Variants in NCKAP5L observed in about 807,000 individuals in gnomAD.
The protein encoded by NCKAP5L is nck-associated protein 5-like.
NCKAP5L carries 54 observed loss-of-function variants against 103.2 expected under a neutral mutation model. The observed-to-expected ratio is 0.52, with a 90% CI of 0.42 to 0.66. The LOEUF (loss-of-function observed/expected upper bound fraction) is 0.66, where lower values mean the gene tolerates loss of function less well. Among genes scored for constraint, NCKAP5L ranks in the 30% least tolerant of loss-of-function variants. The pLI, the probability that NCKAP5L is intolerant of heterozygous loss-of-function variation, is 0.00. For missense variants in NCKAP5L, 1,733 were observed against 1,750.6 expected (o/e 0.99, Z 0.18); for synonymous variants, 762 against 748.6 (o/e 1.02, Z -0.29).
intron 8 of NCKAP5L, 146 bp from the exon 9 acceptor site, chr12:49,794,042 C>T (rs1945985809): frequency 1.4e-6 from 1 of 728,318 alleles, no homozygotes; most frequent in East Asian, 3.1e-5. Flanking sequence ...TGATTGCTCC[C>T]AACACCCTTC....
At chr12:49,800,757 T>C (rs1250972961) in intron 6 of NCKAP5L, among the ~76,000 whole-genome samples, 1 of 152,246 alleles carries the variant, frequency 6.6e-6, no homozygotes, top group Non-Finnish European at 1.5e-5. Context: ...TATGTCATGT[T>C]ACCTCTGGGG....
Position 49,818,867 on chromosome 12 carries a change from T to C in NCKAP5L, c.-99+9455A>G, listed in dbSNP as rs144487734. On this transcript the variant is annotated intron_variant, in intron 1 of 12. Coordinates refer to ENST00000335999, the MANE Select transcript of NCKAP5L (RefSeq NM_001037806.4). ...CCACTGGAGGGAATATAAATTAGTA[T>C]AGCCACTATGGTAAATAGTATGGAA... Among the ~76,000 whole-genome samples the C allele has an allele frequency of 9.2e-3, 1,404 of 152,160 alleles. 11 individuals carry two copies. The highest frequency in any genetic ancestry group is 0.027 in the South Asian group (132 of 4,826).
rs775841547 is a variant in NCKAP5L, at chr12:49,795,096, C to T, written c.2764G>A (p.Gly922Ser). The T allele has an allele frequency of 2.5e-6, 4 of 1,612,936 alleles. No homozygotes were observed. Among genetic ancestry groups the T allele is most frequent in the East Asian group, 2.2e-5 (1 of 44,874 alleles). Residue 922 changes from glycine to serine, a missense_variant, in exon 8 of 13, where the codon GGC becomes AGC. By Grantham distance (56) the Gly-to-Ser change is moderately conservative. Coordinates refer to ENST00000335999, the MANE Select transcript of NCKAP5L (RefSeq NM_001037806.4). ...GCTGGCAGCTTGCTCTTCTTAAGGC[C>T]GAACCAGCTGGCGATGCTGCTGGTG... ...RNTSSIASWF[G>S]LKKSKLPALN...
At position 49,804,058 on chromosome 12, in the gene NCKAP5L, C is replaced by T; in HGVS notation, c.-14G>A. ...GGCCTCTGACATCTGGCCCTGGGAA[C>T]AAGGAAGAGAAGCCCCGGCAGGCTA... On this transcript the variant is annotated 5_prime_UTR_variant, in exon 3 of 13. Transcript: ENST00000335999. 4.4e-6 allele frequency: 7 copies of T among 1,607,998 alleles called. No homozygotes were observed. Among genetic ancestry groups the T allele is most frequent in the Non-Finnish European group, 5.9e-6 (7 of 1,179,732 alleles).
chr12:49,816,161 TA>T (rs1946293004), intron 1 of NCKAP5L, among the ~76,000 whole-genome samples: 1 of 152,138 alleles, frequency 6.6e-6, no homozygotes. Context: ...GGACTCCCTA[TA>T]CTGTTAGAAG....
chr12:49,794,022 A>G (rs905787244), intron 8 of NCKAP5L, 126 bp from the exon 9 acceptor site: 10 of 889,818 alleles, frequency 1.1e-5, no homozygotes, highest in Non-Finnish European at 6.3e-6. Context: ...GGAAGGGGAC[A>G]TGTCGCTAGT....
In NCKAP5L at chr12:49,792,812, C is replaced by T. The variant is rs759863766; in HGVS notation, c.3515G>A (p.Arg1172His). 6.3e-5 allele frequency: 91 copies of T among 1,442,406 alleles called. No homozygotes were observed. The highest frequency in any genetic ancestry group is 4.7e-4 in the East Asian group (16 of 34,202). The allele number at this position is 1,442,406 out of a possible 1,614,324, so 89.4% of individuals were successfully genotyped here. The change falls in exon 11 of 13, where the codon CGC becomes CAC. Residue 1172 changes from arginine (R) to histidine (H), a missense_variant. Physicochemically the swap from Arg to His is conservative, Grantham distance 29. Coordinates refer to ENST00000335999, the MANE Select transcript of NCKAP5L (RefSeq NM_001037806.4). This position sits in a 1 kb window ranked among gnomAD's most constrained non-coding sequence, Gnocchi z 4.5. ...RPPPLTKVPR[R>H]AHTLEREVPG... The stretch of plus-strand genomic sequence containing the variant: ...CACCTCCCGCTCCAGTGTGTGGGCG[C>T]GGCGGGGGACTTTGGTAAGGGGTGG...
intron 1 of NCKAP5L, among the ~76,000 whole-genome samples, chr12:49,816,921 T>C (rs980374303): frequency 3.9e-5 from 6 of 152,126 alleles, no homozygotes; most frequent in African/African-American, 1.4e-4. Context: ...AATGCAATGC[T>C]TGGGTATATA....
rs747089961 is a variant in NCKAP5L, at chr12:49,792,718, G to A, written c.3609C>T (p.Pro1203=). ...PSMPAFPALL[P]AAPGHRGHET... is the part of the protein sequence containing the mutation. ...CATGGCCCCGGTGGCCCGGAGCAGC[G>A]GGTAGCAGTGCAGGGAAGGCTGGCA... Residue 1203 remains proline, a synonymous_variant, in exon 11 of 13, where the codon CCC becomes CCT. Transcript: ENST00000335999. This position sits in a 1 kb window ranked among gnomAD's most constrained non-coding sequence, Gnocchi z 4.5. 1.2e-4 allele frequency: 197 copies of A among 1,610,946 alleles called. No individual in the cohort carries two copies. Among genetic ancestry groups the A allele is most frequent in the Non-Finnish European group, 1.6e-4 (188 of 1,179,032 alleles).
intron 1 of NCKAP5L, among the ~76,000 whole-genome samples, chr12:49,820,738 C>T (rs1946352304): frequency 6.6e-6 from 1 of 152,194 alleles, no homozygotes; most frequent in Non-Finnish European, 1.5e-5. Flanking sequence ...GAGGTGACAC[C>T]CCAAGCTGTC....
chr12:49,813,809 T>C (rs1946267118), intron 1 of NCKAP5L, among the ~76,000 whole-genome samples: 1 of 152,152 alleles, frequency 6.6e-6, no homozygotes, highest in Non-Finnish European at 1.5e-5. Context: ...ATTACAGGCA[T>C]GAGACACTGC....
At chr12:49,824,925 T>C (rs1019789778) in intron 1 of NCKAP5L, among the ~76,000 whole-genome samples, 2 of 152,150 alleles carry the variant, frequency 1.3e-5, no homozygotes, top group African/African-American at 2.4e-5. Flanking sequence ...ACACTCTGAC[T>C]CTCCAAGGGC....
At position 49,796,886 on chromosome 12, in the gene NCKAP5L, T is replaced by C. The variant is rs1348852870; in HGVS notation, c.974A>G (p.Gln325Arg). 29 of 1,612,028 alleles carry C rather than the reference T, an allele frequency of 1.8e-5. No individual in the cohort carries two copies. Among genetic ancestry groups the C allele is most frequent in the Non-Finnish European group, 2.4e-5 (28 of 1,179,440 alleles). ...CTCAAGGAGCTGGCCCAGGTTCAAC[T>C]GTCTGCGGGCCAGGGCACCGAGCAG... ...DTLLGALARR[Q>R]LNLGQLLEDT... is the part of the protein sequence containing the mutation. The change falls in exon 8 of 13, where the codon CAG becomes CGG. Residue 325 changes from glutamine (Q) to arginine (R), a missense_variant. Transcript: ENST00000335999.
rs141668894 is a variant in NCKAP5L at position 49,815,774 on chromosome 12, G to T, written c.-98-9733C>A. Among the ~76,000 whole-genome samples the T allele has an allele frequency of 8.1e-4, 124 of 152,214 alleles. 2 individuals are homozygous for T. The East Asian group carries it at 0.021, about 26-fold the overall frequency. ...CAAAGTGCTGGGATTACAGGCTTAAGTCACCACACCCGGCCAGTGCTTCCT... is the reference window on the plus strand; with the variant it reads ...CAAAGTGCTGGGATTACAGGCTTAATTCACCACACCCGGCCAGTGCTTCCT... On this transcript the variant is annotated intron_variant, in intron 1 of 12. Coordinates refer to ENST00000335999, the MANE Select transcript of NCKAP5L (RefSeq NM_001037806.4).
chr12:49,793,008 C>T (rs1292082375), intron 10 of NCKAP5L, 22 bp from the exon 11 acceptor site: 1 of 1,497,598 alleles, frequency 6.7e-7, no homozygotes, highest in African/African-American at 1.4e-5. Context: ...AGGGGAGGGC[C>T]CGTTAAGAGT....
intron 1 of NCKAP5L, among the ~76,000 whole-genome samples, chr12:49,820,767 G>C (rs1946352648): frequency 6.6e-6 from 1 of 152,226 alleles, no homozygotes; most frequent in Non-Finnish European, 1.5e-5. Context: ...GCTGGGAGGA[G>C]AAAACAGCTC....
intron 9 of NCKAP5L, 122 bp downstream of exon 9, chr12:49,793,612 G>A (rs1945976727): frequency 1.2e-5 from 16 of 1,346,890 alleles, no homozygotes; most frequent in Middle Eastern, 2.2e-4. Flanking sequence ...CAGTCTCCCC[G>A]TAGAGACTGT....
rs372563151 is a variant in NCKAP5L, at chr12:49,792,933, G to C, written c.3394C>G (p.Pro1132Ala). The part of the protein sequence containing the change: ...LDSGIGTFPP[P>A]DHGSSGTPSK... The stretch of plus-strand genomic sequence containing the variant: ...GGGGTCCCACTGCTACCATGGTCTG[G>C]GGGTGGGAAGGTCCCAATGCCACTG... The change falls in exon 11 of 13, where the codon CCA (proline) becomes GCA (alanine). Residue 1132 changes from proline (P) to alanine (A), a missense_variant. By Grantham distance (27) the Pro-to-Ala change is conservative. Transcript: ENST00000335999. The surrounding 1 kb of genome is among the most constrained non-coding windows in gnomAD (Gnocchi z 4.5). 3.2e-6 allele frequency: 5 copies of C among 1,558,488 alleles called. No homozygotes were observed. In the South Asian group the frequency reaches 6.0e-5, roughly 19 times the overall value.
At position 49,804,170 on chromosome 12, in the gene NCKAP5L, A is replaced by G. The variant is rs1946154417; in HGVS notation, c.-36-90T>C. The G allele has an allele frequency of 4.0e-6, 5 of 1,257,712 alleles. No individual in the cohort carries two copies. The African/African-American group carries it at 4.5e-5, about 11-fold the overall frequency. 77.9% of individuals were successfully genotyped at this position (1,257,712 alleles called of 1,614,324 possible). A position where few individuals can be genotyped will look rare whatever the true frequency, so the allele number is the denominator to read the frequency against. The stretch of plus-strand genomic sequence containing the variant: ...TGGAGCTTAGGTCAGTGTGACCTAT[A>G]TGCATGACACTGTAATAACTCAGGG... On this transcript the variant is annotated intron_variant, in intron 2 of 12. Coordinates refer to ENST00000335999, the MANE Select transcript of NCKAP5L (RefSeq NM_001037806.4).
Sources: allele counts gnomAD v4.1 joint callset (sites outside exome capture counted in the v4.1 genomes callset), GRCh38; gene constraint gnomAD v4.1.1; non-coding constraint Gnocchi (gnomAD v3.1); transcripts MANE v1.5; gene names NCBI Gene and HGNC (gene_info 2026-07-23, HGNC 2026-07-21).